Variants in TENM3 observed in about 807,000 individuals in gnomAD.
TENM3 encodes teneurin transmembrane protein 3.
A neutral mutation model predicts 255.1 loss-of-function variants in TENM3; 63 were observed. The ratio of observed to expected loss-of-function variants is 0.25; its 90% CI spans 0.20 to 0.30. The LOEUF is 0.30. Ranked by LOEUF, TENM3 falls within the 10% of genes least tolerant of loss-of-function variation. The pLI is 1.00. For missense variants in TENM3, 2,929 were observed against 3,461.1 expected (o/e 0.85, Z 3.86); for synonymous variants, 1,306 against 1,322.3 (o/e 0.99, Z 0.27).
chr4:181,776,936 A>C, the TENM3 span, among the ~76,000 whole-genome samples: 8 of 152,142 alleles, frequency 5.3e-5, no homozygotes, highest in African/African-American at 1.9e-4. Context: ...TAATTTAATT[A>C]AGTTCCATTT....
intron 3 of TENM3, among the ~76,000 whole-genome samples, chr4:182,443,721 T>TCA: frequency 6.6e-6 from 1 of 152,208 alleles, no homozygotes; most frequent in East Asian, 1.9e-4. Flanking sequence ...CCAGACCTCA[T>TCA]CACACACACC....
chr4:182,668,042 G>A (rs181241809), intron 6 of TENM3, among the ~76,000 whole-genome samples: 6 of 151,898 alleles, frequency 4.0e-5, no homozygotes, highest in Non-Finnish European at 7.4e-5. Flanking sequence ...CATTAAAAAG[G>A]TTATCTCTCT....
At chr4:181,605,581 A>G in the TENM3 span, among the ~76,000 whole-genome samples, 29 of 33,800 alleles carry the variant, frequency 8.6e-4, no homozygotes, top group East Asian at 0.028. Context: ...AGAGAGAAAG[A>G]AAGGAAAGAA....
the TENM3 span, among the ~76,000 whole-genome samples, chr4:182,085,288 T>G: frequency 6.6e-6 from 1 of 152,168 alleles, no homozygotes; most frequent in East Asian, 1.9e-4. Context: ...GATAGATTTT[T>G]AAAAATTTTT....
chr4:182,515,010 A>G (rs1305543051), intron 3 of TENM3, among the ~76,000 whole-genome samples: 3 of 152,218 alleles, frequency 2.0e-5, no homozygotes, highest in Non-Finnish European at 4.4e-5. Flanking sequence ...CATTTCAAAG[A>G]GGGAATAATC....
intron 3 of TENM3, 113 bp downstream of exon 3, chr4:182,347,042 C>T (rs1764873688): frequency 1.1e-6 from 1 of 939,354 alleles, no homozygotes; most frequent in African/African-American, 1.7e-5. Context: ...CCTTCTTTCT[C>T]TCTCTTTCTT....
chr4:182,170,362 A>C (rs1244557932), intron 1 of TENM3, among the ~76,000 whole-genome samples: 1 of 152,288 alleles, frequency 6.6e-6, no homozygotes, highest in Non-Finnish European at 1.5e-5. Context: ...CTAAACTATT[A>C]TGGTGTAATC....
At chr4:181,754,627 A>G in the TENM3 span, among the ~76,000 whole-genome samples, 1 of 152,132 alleles carries the variant, frequency 6.6e-6, no homozygotes. Flanking sequence ...AGAAATGATT[A>G]CTAAGCCAAT....
At chr4:182,306,372 A>G (rs1051368994) in intron 1 of TENM3, among the ~76,000 whole-genome samples, 1 of 151,984 alleles carries the variant, frequency 6.6e-6, no homozygotes, top group Non-Finnish European at 1.5e-5. Flanking sequence ...ATGTTTTCTG[A>G]ATCAGGTTTG....
intron 16 of TENM3, among the ~76,000 whole-genome samples, chr4:182,732,010 T>C (rs1235820808): frequency 4.6e-5 from 7 of 152,100 alleles, no homozygotes; most frequent in Non-Finnish European, 2.9e-5. Context: ...CTCCATCTCC[T>C]GACCTCGTGA....
At chr4:181,756,082 G>A in the TENM3 span, among the ~76,000 whole-genome samples, 1 of 152,004 alleles carries the variant, frequency 6.6e-6, no homozygotes, top group Non-Finnish European at 1.5e-5. Context: ...CCAAGAAGTG[G>A]GCTCTCCTAA....
the TENM3 span, among the ~76,000 whole-genome samples, chr4:182,005,741 T>TC: frequency 6.6e-5 from 10 of 152,198 alleles, no homozygotes; most frequent in African/African-American, 2.4e-4. Context: ...CTCTCTGACT[T>TC]CCTTGAGCAG....
rs1413238742 is a variant in TENM3 at position 182,730,187 on chromosome 4, G to T, written c.2586-13G>T. ...GACAGATGTTCATTCTCATTCTTCT[G>T]CTTTTCCAACAGCCTTGCATCTGTC... On this transcript the variant is annotated splice_polypyrimidine_tract_variant and intron_variant, in intron 14 of 27. Coordinates refer to ENST00000511685, the MANE Select transcript of TENM3 (RefSeq NM_001080477.4). The T allele has an allele frequency of 6.2e-7, 1 of 1,613,148 alleles. No individual in the cohort carries two copies. Among genetic ancestry groups the T allele is most frequent in the East Asian group, 2.2e-5 (1 of 44,854 alleles).
the TENM3 span, among the ~76,000 whole-genome samples, chr4:181,561,177 C>A: frequency 1.3e-5 from 2 of 152,166 alleles, no homozygotes; most frequent in Admixed American, 1.3e-4. Flanking sequence ...TGGTCTCGAA[C>A]TCCTGACCTC....
intron 4 of TENM3, among the ~76,000 whole-genome samples, chr4:182,617,870 A>G (rs144739463): frequency 4.0e-4 from 61 of 152,328 alleles, no homozygotes; most frequent in African/African-American, 1.3e-3. Context: ...AACATTTCCT[A>G]TGCAGTAGTG....
chr4:182,388,525 G>A (rs1048942153), intron 3 of TENM3, among the ~76,000 whole-genome samples: 1 of 152,120 alleles, frequency 6.6e-6, no homozygotes, highest in Admixed American at 6.5e-5. Context: ...GGTTTAAACG[G>A]GTTAAAAGTA....
chr4:182,759,822 A>G (rs1763001540), intron 22 of TENM3, among the ~76,000 whole-genome samples: 1 of 152,154 alleles, frequency 6.6e-6, no homozygotes, highest in Non-Finnish European at 1.5e-5. Context: ...GGTAACTGTC[A>G]TTTCGAAAAC....
At chr4:182,075,760 A>G in the TENM3 span, among the ~76,000 whole-genome samples, 2 of 152,218 alleles carry the variant, frequency 1.3e-5, no homozygotes, top group East Asian at 3.9e-4. Flanking sequence ...CCCTGCACTC[A>G]AGGCTCTGCA....
intron 1 of TENM3, among the ~76,000 whole-genome samples, chr4:182,228,378 G>GTATATATATATATATA (rs1756332313): frequency 4.6e-4 from 43 of 93,486 alleles, no homozygotes; most frequent in African/African-American, 1.8e-3. Flanking sequence ...GTGTGTGTGT[G>GTATATATATATATATA]TGTGTGTGTG....
Sources: gnomAD v4.1 joint callset for allele counts (sites outside exome capture counted in the v4.1 genomes callset) on GRCh38, gnomAD v4.1.1 for gene constraint, MANE v1.5 for transcripts, NCBI Gene and HGNC (gene_info 2026-07-23, HGNC 2026-07-21) for gene names.